DMD: variants seen among roughly 807,000 people sequenced by gnomAD.
DMD encodes the protein mutant dystrophin.
A neutral mutation model predicts 330.1 loss-of-function variants in DMD; 63 were observed. The observed-to-expected ratio is 0.19, with a 90% CI of 0.16 to 0.24. The LOEUF (loss-of-function observed/expected upper bound fraction) is 0.24. Among genes scored for constraint, DMD ranks in the 10% least tolerant of loss-of-function variants. DMD has a pLI of 1.00. For missense variants in DMD, 3,344 were observed against 2,684.1 expected (o/e 1.25, Z -5.43); for synonymous variants, 1,223 against 959.8 (o/e 1.27, Z -5.07).
At chrX:32,497,416 C>G (rs959235763) in intron 19 of DMD, among the ~76,000 whole-genome samples, 28 of 111,791 alleles carry the variant, frequency 2.5e-4, no homozygotes, top group Admixed American at 4.8e-4. Context: ...TCCTTAGACT[C>G]TTAATTAACA....
chrX:32,305,703 A>G (rs2097537932), intron 42 of DMD, among the ~76,000 whole-genome samples: 1 of 110,950 alleles, frequency 9.0e-6, no homozygotes, highest in African/African-American at 3.3e-5. Flanking sequence ...GAAACTTACA[A>G]TTGCTCTCAT....
intron 2 of DMD, among the ~76,000 whole-genome samples, chrX:33,019,913 A>T (rs2093881233): frequency 9.0e-6 from 1 of 111,716 alleles, no homozygotes; most frequent in Non-Finnish European, 1.9e-5. Context: ...ATTGTCAAGA[A>T]GAATCAAAGA....
intron 37 of DMD, among the ~76,000 whole-genome samples, chrX:32,349,306 T>C (rs2097774074): frequency 9.0e-6 from 1 of 111,444 alleles, no homozygotes; most frequent in South Asian, 3.7e-4. Context: ...GTTTAGTTAT[T>C]AGATTAAAAT....
At chrX:32,041,361 G>T (rs750880273) in intron 44 of DMD, among the ~76,000 whole-genome samples, 1 of 112,346 alleles carries the variant, frequency 8.9e-6, no homozygotes, top group Non-Finnish European at 1.9e-5. Context: ...TGTCCTGGCA[G>T]TCGTGGACCT....
In DMD at chrX:32,739,366, T is replaced by A. The variant is rs778657662; in HGVS notation, c.650-40073A>T. Among the ~76,000 whole-genome samples, 4 of 111,775 alleles carry A rather than the reference T, an allele frequency of 3.6e-5. No individual in the cohort carries two copies. The South Asian group carries it at 1.1e-3, about 31-fold the overall frequency. On this transcript the variant is annotated intron_variant, in intron 7 of 78. Coordinates refer to ENST00000357033, the MANE Select transcript of DMD (RefSeq NM_004006.3). Reference sequence around the variant, plus strand: ...ATCAGGAATAAAAAATTAAGTGTTTTAGTATTCATTTTGGGTAAATTTCTA... The same window carrying A: ...ATCAGGAATAAAAAATTAAGTGTTTAAGTATTCATTTTGGGTAAATTTCTA...
intron 2 of DMD, among the ~76,000 whole-genome samples, chrX:32,950,269 TCTTTA>T (rs2091167979): frequency 9.0e-6 from 1 of 111,253 alleles, no homozygotes; most frequent in Admixed American, 9.6e-5. Context: ...TGTTTTAAGC[TCTTTA>T]CTTGTATCAG....
chrX:32,581,192 C>T (rs1410555681), intron 13 of DMD, among the ~76,000 whole-genome samples: 2 of 112,413 alleles, frequency 1.8e-5, no homozygotes, highest in East Asian at 2.8e-4. Flanking sequence ...CTCATGCCAA[C>T]TCTTGACATC....
At chrX:32,934,299 C>T (rs1240585286) in intron 2 of DMD, among the ~76,000 whole-genome samples, 1 of 111,296 alleles carries the variant, frequency 9.0e-6, no homozygotes. Context: ...CTGACTTGTG[C>T]CTATAATCCC....
intron 61 of DMD, among the ~76,000 whole-genome samples, chrX:31,325,335 C>T (rs1368489235): frequency 2.7e-5 from 3 of 109,174 alleles, no homozygotes; most frequent in Non-Finnish European, 5.7e-5. Context: ...CGTGGTGGCT[C>T]ACGCCTGTAA....
At position 32,649,750 on chromosome X, in the gene DMD, T is replaced by C. The variant is rs1296484203; in HGVS notation, c.961-4598A>G. 2.7e-5 allele frequency among the ~76,000 whole-genome samples: 3 copies of C among 110,475 alleles called. No individual in the cohort carries two copies. In the East Asian group the frequency reaches 8.5e-4, roughly 31 times the overall value. On this transcript the variant is annotated intron_variant, in intron 9 of 78. Coordinates refer to ENST00000357033, the MANE Select transcript of DMD (RefSeq NM_004006.3). ...GACTAGAAATGGTTCTAATGAAGTA[T>C]ACAGCAATAGCCTTGATACTTCTGA...
intron 36 of DMD, among the ~76,000 whole-genome samples, chrX:32,363,197 T>C (rs1485810998): frequency 9.0e-6 from 1 of 111,692 alleles, no homozygotes; most frequent in Non-Finnish European, 1.9e-5. Context: ...TAGATCACCG[T>C]CCTTAAGTTT....
At position 31,815,962 on chromosome X, in the gene DMD, C is replaced by G. The variant is rs114677195; in HGVS notation, c.7309+4013G>C. ...TGAAGAATCAAGGTTCTGCAACCAACAGCCAGCTGTCAGATATCTGAGAGA... is the reference window on the plus strand; with the variant it reads ...TGAAGAATCAAGGTTCTGCAACCAAGAGCCAGCTGTCAGATATCTGAGAGA... On this transcript the variant is annotated intron_variant, in intron 50 of 78. Coordinates refer to ENST00000357033, the MANE Select transcript of DMD (RefSeq NM_004006.3). 6.6e-3 allele frequency among the ~76,000 whole-genome samples: 744 copies of G among 111,977 alleles called. 6 individuals carry two copies. Among genetic ancestry groups the G allele is most frequent in the African/African-American group, 0.023 (704 of 30,850 alleles).
At chrX:31,666,243 C>T (rs190269637) in intron 53 of DMD, among the ~76,000 whole-genome samples, 2 of 111,824 alleles carry the variant, frequency 1.8e-5, no homozygotes, top group Non-Finnish European at 3.8e-5. Context: ...GATTATACAT[C>T]GGCATTCCCA....
chrX:32,132,993 C>CTTTTTTTTTTTTTTTTTTTT (rs377615262), intron 44 of DMD, among the ~76,000 whole-genome samples: 2 of 75,977 alleles, frequency 2.6e-5, no homozygotes, highest in African/African-American at 1.4e-4. Flanking sequence ...CTTTTCTTTT[C>CTTTTTTTTTTTTTTTTTTTT]TTTTTTTTTT....
At chrX:32,805,649 G>A (rs1258682383) in intron 7 of DMD, among the ~76,000 whole-genome samples, 1 of 111,203 alleles carries the variant, frequency 9.0e-6, no homozygotes, top group Non-Finnish European at 1.9e-5. Context: ...ATTCACCAAG[G>A]TTGAAATGAA....
At chrX:32,334,659 G>A (rs2097696649) in intron 41 of DMD, among the ~76,000 whole-genome samples, 1 of 111,295 alleles carries the variant, frequency 9.0e-6, no homozygotes, top group Non-Finnish European at 1.9e-5. Context: ...ATACGGTGAT[G>A]TTCTTCCCAT....
intron 2 of DMD, among the ~76,000 whole-genome samples, chrX:32,901,445 G>A (rs2086235882): frequency 1.8e-5 from 2 of 108,883 alleles, no homozygotes; most frequent in Admixed American, 1.9e-4. Context: ...TTGCTATTGA[G>A]AACTCTCAAA....
intron 59 of DMD, among the ~76,000 whole-genome samples, chrX:31,468,622 A>T (rs1280521364): frequency 8.9e-6 from 1 of 111,775 alleles, no homozygotes; most frequent in Non-Finnish European, 1.9e-5. Flanking sequence ...TGTGGTGCTG[A>T]GAATAATGTA....
At chrX:31,133,592 A>C (rs957522936) in intron 77 of DMD, among the ~76,000 whole-genome samples, 7 of 112,152 alleles carry the variant, frequency 6.2e-5, no homozygotes, top group African/African-American at 1.9e-4. Flanking sequence ...TACTCTATGA[A>C]GATTTAATTG....
Sources: gnomAD v4.1 joint callset for allele counts (sites outside exome capture counted in the v4.1 genomes callset) on GRCh38, gnomAD v4.1.1 for gene constraint, MANE v1.5 for transcripts, NCBI Gene and HGNC (gene_info 2026-07-23, HGNC 2026-07-21) for gene names.